Variants in PPME1 observed in about 807,000 individuals in gnomAD.
PPME1 encodes protein phosphatase methylesterase 1.
PPME1 carries 17 observed loss-of-function variants against 56.9 expected under a neutral mutation model. The observed-to-expected ratio is 0.30, with a 90% confidence interval of 0.20 to 0.45. The LOEUF (loss-of-function observed/expected upper bound fraction) is 0.45. Among genes scored for constraint, PPME1 ranks in the 20% least tolerant of loss-of-function variants. The pLI, the probability that PPME1 is intolerant of heterozygous loss-of-function variation, is 1.00. For synonymous variants in PPME1, 122 were observed against 156.2 expected, an observed-to-expected ratio of 0.78 and a Z score of 1.63; for missense variants, 357 against 483.2, an observed-to-expected ratio of 0.74 and a Z score of 2.45.
At chr11:74,236,582 A>T (rs887381543) in intron 8 of PPME1, among the ~76,000 whole-genome samples, 1 of 152,226 alleles carries the variant, frequency 6.6e-6, no homozygotes, top group Non-Finnish European at 1.5e-5. Flanking sequence ...GGTATTTTAT[A>T]TGCACTGTCT....
At chr11:74,223,469 G>T (rs1202658253) in intron 4 of PPME1, among the ~76,000 whole-genome samples, 1 of 137,094 alleles carries the variant, frequency 7.3e-6, no homozygotes, top group Non-Finnish European at 1.5e-5. Flanking sequence ...GTAGTGGGAT[G>T]GCTGGGTCAA....
chr11:74,234,297 T>C (rs1229196464), intron 7 of PPME1, among the ~76,000 whole-genome samples: 2 of 152,200 alleles, frequency 1.3e-5, no homozygotes, highest in African/African-American at 2.4e-5. Context: ...TAGAAGAGGC[T>C]GAACTAGAGA....
At position 74,171,507 on chromosome 11, in the gene PPME1, C is replaced by T. The variant is rs764113232; in HGVS notation, c.86C>T (p.Ala29Val). The change falls in exon 1 of 14, where the codon GCC becomes GTC. Residue 29 changes from alanine (A) to valine (V), a missense_variant. Coordinates refer to ENST00000328257, the MANE Select transcript of PPME1 (RefSeq NM_016147.3). ...LPGSGGSQSG[A>V]KMRMGPGRKR... The stretch of plus-strand genomic sequence containing the variant: ...GGCAGCGGGGGCAGTCAGAGCGGAG[C>T]CAAGATGCGAATGGGGTACGTGACC... The T allele has an allele frequency of 1.7e-5, 28 of 1,612,818 alleles. 1 individual carries two copies. The South Asian group carries it at 3.1e-4, about 18-fold the overall frequency.
intron 1 of PPME1, among the ~76,000 whole-genome samples, chr11:74,200,020 A>G (rs774515158): frequency 1.3e-5 from 2 of 152,246 alleles, no homozygotes; most frequent in African/African-American, 4.8e-5. Context: ...TAGCCAAACC[A>G]TATCAGTAAC....
intron 3 of PPME1, among the ~76,000 whole-genome samples, chr11:74,207,812 A>G (rs1158342065): frequency 3.9e-5 from 6 of 152,182 alleles, no homozygotes. Context: ...GCAGCAGGCT[A>G]GATTTTGCCA....
intron 1 of PPME1, among the ~76,000 whole-genome samples, chr11:74,173,671 A>T (rs1857339879): frequency 6.6e-6 from 1 of 152,068 alleles, no homozygotes; most frequent in Admixed American, 6.6e-5. Flanking sequence ...CCTCCCAAGT[A>T]GCTGGGATTA....
intron 8 of PPME1, chr11:74,238,517 A>G (rs1428012375): frequency 6.6e-6 from 1 of 152,110 alleles, no homozygotes; most frequent in East Asian, 1.9e-4. Context: ...TGTTTTTTCC[A>G]TCAAGTTCTC....
chr11:74,214,390 A>G (rs1858566480), intron 3 of PPME1, among the ~76,000 whole-genome samples: 1 of 152,188 alleles, frequency 6.6e-6, no homozygotes, highest in Admixed American at 6.5e-5. Context: ...AGGTAGAGAG[A>G]TTGGCATAGA....
In PPME1 at chr11:74,253,564, C is replaced by T. The variant is rs918467896; in HGVS notation, c.*54C>T. ...CGAGCTCTGTTGTAAATACGTCGCA[C>T]CAGAGGCCACTGTGATGCCACTGTC... On this transcript the variant is annotated 3_prime_UTR_variant, in exon 14 of 14. Transcript: ENST00000328257. 22 of 1,545,974 alleles carry T rather than the reference C, an allele frequency of 1.4e-5. No individual in the cohort carries two copies. The South Asian group carries it at 2.3e-4, about 16-fold the overall frequency.
rs1427350432 is a variant in PPME1 at position 74,171,408 on chromosome 11, G to A, written c.-14G>A. 2 of 1,605,614 alleles carry A rather than the reference G, an allele frequency of 1.2e-6. No homozygotes were observed. Among genetic ancestry groups the A allele is most frequent in the Non-Finnish European group, 8.5e-7 (1 of 1,176,278 alleles). ...TCGCCTACTGTTTGACTACGTGCGT[G>A]CAGCCTCCCCTCGATGTCGGCCCTC... is the stretch of plus-strand genomic sequence containing the variant. On this transcript the variant is annotated 5_prime_UTR_variant, in exon 1 of 14. Transcript: ENST00000328257.
chr11:74,251,958 C>T, intron 13 of PPME1: 1 of 700,878 alleles, frequency 1.4e-6, no homozygotes, highest in Admixed American at 1.8e-5. Context: ...TAGTCTCACT[C>T]CCCACTGTGA....
At chr11:74,184,465 A>G (rs1352410174) in intron 1 of PPME1, among the ~76,000 whole-genome samples, 2 of 152,216 alleles carry the variant, frequency 1.3e-5, no homozygotes, top group Non-Finnish European at 2.9e-5. Flanking sequence ...GAAAATCTCT[A>G]TACTAACATT....
chr11:74,233,127 G>C (rs2135664754), intron 7 of PPME1, among the ~76,000 whole-genome samples: 1 of 152,090 alleles, frequency 6.6e-6, no homozygotes, highest in South Asian at 2.1e-4. Flanking sequence ...CAAAAAACTG[G>C]GGATGCAAAC....
At chr11:74,198,369 TC>T (rs1223159246) in intron 1 of PPME1, among the ~76,000 whole-genome samples, 1 of 152,224 alleles carries the variant, frequency 6.6e-6, no homozygotes, top group Admixed American at 6.5e-5. Flanking sequence ...ACATATTTTT[TC>T]CCAGAATCAA....
intron 11 of PPME1, chr11:74,249,332 T>A (rs1047892875): frequency 6.6e-6 from 1 of 152,188 alleles, no homozygotes; most frequent in Non-Finnish European, 1.5e-5. Context: ...CTTGGGTAAA[T>A]AATTTAGGCT....
chr11:74,206,734 T>A (rs1349727465), intron 3 of PPME1, among the ~76,000 whole-genome samples: 5 of 152,106 alleles, frequency 3.3e-5, no homozygotes, highest in African/African-American at 1.2e-4. Context: ...TCCCAGCTAA[T>A]TTTTAATTTT....
chr11:74,246,290 A>T, intron 10 of PPME1, 85 bp downstream of exon 10: 1 of 1,317,798 alleles, frequency 7.6e-7, no homozygotes, highest in Non-Finnish European at 1.0e-6. Flanking sequence ...ACAGAAATTT[A>T]TTTTCTCACA....
At chr11:74,248,067 C>T (rs1304015869) in intron 11 of PPME1, 3 of 152,414 alleles carry the variant, frequency 2.0e-5, no homozygotes, top group Non-Finnish European at 4.4e-5. Flanking sequence ...AGGAAAGTGA[C>T]ATGCTGAGCA....
At chr11:74,218,820 G>A (rs1858722757) in intron 3 of PPME1, among the ~76,000 whole-genome samples, 1 of 152,060 alleles carries the variant, frequency 6.6e-6, no homozygotes, top group Non-Finnish European at 1.5e-5. Flanking sequence ...CAGGACATTG[G>A]ACTGTGGAAA....
Sources: gnomAD v4.1 joint callset for allele counts (sites outside exome capture counted in the v4.1 genomes callset) on GRCh38, gnomAD v4.1.1 for gene constraint, MANE v1.5 for transcripts, NCBI Gene and HGNC (gene_info 2026-07-23, HGNC 2026-07-21) for gene names.